Variants in HS6ST3 observed in about 807,000 individuals in gnomAD.
HS6ST3 encodes heparan-sulfate 6-O-sulfotransferase 3.
In HS6ST3, 12 loss-of-function variants were observed where a neutral mutation model predicts 36.7. That is an observed-to-expected ratio of 0.33 (90% CI 0.21 to 0.53). HS6ST3 has a LOEUF of 0.53. HS6ST3 is among the 20% of genes least tolerant of loss of function. The pLI, the probability that HS6ST3 is intolerant of heterozygous loss-of-function variation, is 0.95. For missense variants in HS6ST3, 584 were observed against 640.9 expected (o/e 0.91, Z 0.96); for synonymous variants, 240 against 257.5 (o/e 0.93, Z 0.65).
At chr13:96,100,162 CAG>C (rs2053811025) in intron 1 of HS6ST3, among the ~76,000 whole-genome samples, 1 of 151,432 alleles carries the variant, frequency 6.6e-6, no homozygotes, top group South Asian at 2.1e-4. Context: ...ACATAGAAGA[CAG>C]AAATTTATCT....
chr13:96,652,556 A>G (rs762370466), intron 1 of HS6ST3, among the ~76,000 whole-genome samples: 2 of 152,144 alleles, frequency 1.3e-5, no homozygotes, highest in African/African-American at 2.4e-5. Flanking sequence ...TATTTAAAAT[A>G]ACCATCATCA....
intron 1 of HS6ST3, among the ~76,000 whole-genome samples, chr13:96,475,626 A>G (rs865852976): frequency 1.3e-5 from 2 of 151,862 alleles, no homozygotes; most frequent in African/African-American, 2.4e-5. Flanking sequence ...AAAAAAAAAA[A>G]AAAAGAAAAG....
At chr13:96,129,240 T>G (rs2053965423) in intron 1 of HS6ST3, among the ~76,000 whole-genome samples, 1 of 152,212 alleles carries the variant, frequency 6.6e-6, no homozygotes, top group Admixed American at 6.5e-5. Context: ...ATGAAAATGT[T>G]GGTGGTGATA....
intron 1 of HS6ST3, among the ~76,000 whole-genome samples, chr13:96,243,646 G>A (rs1023033286): frequency 1.3e-5 from 2 of 152,070 alleles, no homozygotes; most frequent in African/African-American, 4.8e-5. Context: ...GACTGAGGTG[G>A]CTTTTCAGCT....
At chr13:96,705,402 C>G (rs1182272731) in intron 1 of HS6ST3, among the ~76,000 whole-genome samples, 1 of 152,134 alleles carries the variant, frequency 6.6e-6, no homozygotes, top group Non-Finnish European at 1.5e-5. Context: ...GTGATTTTTA[C>G]TCAAATTCTC....
intron 1 of HS6ST3, among the ~76,000 whole-genome samples, chr13:96,632,298 A>G (rs2056534527): frequency 1.6e-5 from 2 of 121,750 alleles, no homozygotes; most frequent in East Asian, 2.5e-4. Flanking sequence ...AACTGTCAGA[A>G]ATAAATTTCT....
chr13:96,119,237 TATAA>T (rs1413176030), intron 1 of HS6ST3, among the ~76,000 whole-genome samples: 2 of 152,028 alleles, frequency 1.3e-5, no homozygotes, highest in African/African-American at 4.8e-5. Context: ...TCATAAATAG[TATAA>T]ATAACATTAA....
chr13:96,239,604 A>T (rs1378893161), intron 1 of HS6ST3, among the ~76,000 whole-genome samples: 2 of 152,236 alleles, frequency 1.3e-5, no homozygotes, highest in Admixed American at 1.3e-4. Flanking sequence ...TTTTTACTGT[A>T]CAAAAGAAAT....
chr13:96,689,729 A>C (rs1215317254), intron 1 of HS6ST3, among the ~76,000 whole-genome samples: 1 of 151,090 alleles, frequency 6.6e-6, no homozygotes, highest in African/African-American at 2.4e-5. Flanking sequence ...ATAGATGTGA[A>C]GAAAAGAGAG....
intron 1 of HS6ST3, among the ~76,000 whole-genome samples, chr13:96,269,663 C>T (rs2139387620): frequency 1.3e-5 from 2 of 152,134 alleles, no homozygotes; most frequent in South Asian, 4.1e-4. Context: ...GGAAAGTCGT[C>T]TTTAGCTTTG....
At chr13:96,662,733 C>T (rs186309370) in intron 1 of HS6ST3, among the ~76,000 whole-genome samples, 2 of 152,208 alleles carry the variant, frequency 1.3e-5, no homozygotes, top group East Asian at 1.9e-4. Flanking sequence ...GGTTCTTTCT[C>T]ATCTGGAGAA....
chr13:96,350,575 G>A (rs1040612789), intron 1 of HS6ST3, among the ~76,000 whole-genome samples: 1 of 152,174 alleles, frequency 6.6e-6, no homozygotes, highest in South Asian at 2.1e-4. Context: ...TGTTCATTTT[G>A]CCTGCAGTAT....
intron 1 of HS6ST3, among the ~76,000 whole-genome samples, chr13:96,394,069 A>G (rs1308280832): frequency 6.6e-6 from 1 of 152,196 alleles, no homozygotes; most frequent in Non-Finnish European, 1.5e-5. Context: ...TATAGAAACC[A>G]AAATATGCTT....
chr13:96,435,185 GAC>G (rs1241931806), intron 1 of HS6ST3, among the ~76,000 whole-genome samples: 1 of 152,172 alleles, frequency 6.6e-6, no homozygotes, highest in African/African-American at 2.4e-5. Context: ...TGGTTTCAAA[GAC>G]AGTTTTGAAA....
intron 1 of HS6ST3, among the ~76,000 whole-genome samples, chr13:96,288,244 A>G (rs1057301718): frequency 6.6e-6 from 1 of 152,184 alleles, no homozygotes; most frequent in Non-Finnish European, 1.5e-5. Context: ...TCCATTTATT[A>G]TAAATATACA....
chr13:96,624,986 G>T (rs2056507252), intron 1 of HS6ST3, among the ~76,000 whole-genome samples: 1 of 152,198 alleles, frequency 6.6e-6, no homozygotes, highest in Non-Finnish European at 1.5e-5. Flanking sequence ...GAGCAAGCAG[G>T]CAGTGGAAGA....
intron 1 of HS6ST3, among the ~76,000 whole-genome samples, chr13:96,412,384 A>G (rs1405681395): frequency 2.0e-5 from 3 of 152,196 alleles, no homozygotes; most frequent in Non-Finnish European, 4.4e-5. Context: ...AAGATCAGAG[A>G]TAAAGATTCT....
At chr13:96,608,380 G>A (rs2056446202) in intron 1 of HS6ST3, among the ~76,000 whole-genome samples, 1 of 152,218 alleles carries the variant, frequency 6.6e-6, no homozygotes. Flanking sequence ...CAGCTGCTAA[G>A]ATCACATAAC....
intron 1 of HS6ST3, among the ~76,000 whole-genome samples, chr13:96,593,040 C>T (rs931222288): frequency 6.6e-6 from 1 of 152,108 alleles, no homozygotes; most frequent in East Asian, 1.9e-4. Flanking sequence ...CTACTTCTTT[C>T]TCTACCTCCT....
Sources: gnomAD v4.1 joint callset for allele counts (sites outside exome capture counted in the v4.1 genomes callset) on GRCh38, gnomAD v4.1.1 for gene constraint, MANE v1.5 for transcripts, NCBI Gene and HGNC (gene_info 2026-07-23, HGNC 2026-07-21) for gene names.